The following RCBTB2 variants were observed in gnomAD, a reference collection of about 807,000 sequenced individuals.
RCBTB2 encodes the protein RCC1 and BTB domain-containing protein 2.
In RCBTB2, 55 loss-of-function variants were observed where a neutral mutation model predicts 65.4. The observed-to-expected ratio is 0.84, with a 90% CI of 0.68 to 1.05. RCBTB2 has a LOEUF of 1.05. RCBTB2 is among the 50% of genes least tolerant of loss of function. RCBTB2 has a pLI of 0.00. For synonymous variants in RCBTB2, 220 were observed against 255.2 expected, an observed-to-expected ratio of 0.86 and a Z score of 1.31; for missense variants, 599 against 680.1, an observed-to-expected ratio of 0.88 and a Z score of 1.33.
chr13:48,510,838 G>A, intron 9 of RCBTB2, 67 bp from the exon 10 acceptor site: 2 of 1,498,430 alleles, frequency 1.3e-6, no homozygotes, highest in Non-Finnish European at 1.8e-6. Context: ...CCACAAAGTA[G>A]GTTAAGAATC....
intron 13 of RCBTB2, 128 bp downstream of exon 13, chr13:48,499,493 G>T: frequency 1.1e-6 from 1 of 940,200 alleles, no homozygotes; most frequent in Non-Finnish European, 1.6e-6. Flanking sequence ...AACGTGTTTG[G>T]ATTCAACACA....
At chr13:48,533,494 T>C (rs987552947), upstream of RCBTB2, among the ~76,000 whole-genome samples, 1 of 152,226 alleles carries the variant, frequency 6.6e-6, no homozygotes, top group East Asian at 1.9e-4. Context: ...GCTTTTCTTC[T>C]ATTGCTGGCC....
At chr13:48,522,109 G>T (rs1192164092) in intron 3 of RCBTB2, 147 bp from the exon 4 acceptor site, 1 of 775,850 alleles carries the variant, frequency 1.3e-6, no homozygotes, top group African/African-American at 1.7e-5. Flanking sequence ...CTTTAGGCAT[G>T]GGAATGAACA....
chr13:48,535,154 G>A (rs183122214), upstream of RCBTB2, among the ~76,000 whole-genome samples: 2 of 151,938 alleles, frequency 1.3e-5, no homozygotes, highest in East Asian at 1.9e-4. Flanking sequence ...TTGATTATAT[G>A]TCCCCTATCA....
Position 48,517,426 on chromosome 13 carries a change from C to T in RCBTB2, c.43-1685G>A, listed in dbSNP as rs908030288. On this transcript the variant is annotated intron_variant, in intron 4 of 14. Coordinates refer to ENST00000344532, the MANE Select transcript of RCBTB2 (RefSeq NM_001268.4). ...AAACTGGGCCCCAAATCCCTGCTCT[C>T]GGCTCCAAGCTCTCCATTTCTACTT... Among the ~76,000 whole-genome samples, 7 of 152,282 alleles carry T rather than the reference C, an allele frequency of 4.6e-5. No homozygotes were observed. In the South Asian group the frequency reaches 1.2e-3, roughly 27 times the overall value.
upstream of RCBTB2, among the ~76,000 whole-genome samples, chr13:48,534,740 G>A (rs1014149035): frequency 6.6e-6 from 1 of 152,226 alleles, no homozygotes; most frequent in African/African-American, 2.4e-5. Flanking sequence ...AAGTAAAAAT[G>A]TCTCCATCAC....
At chr13:48,527,461 A>C (rs1334418645) in intron 1 of RCBTB2, among the ~76,000 whole-genome samples, 1 of 146,874 alleles carries the variant, frequency 6.8e-6, no homozygotes, top group African/African-American at 2.5e-5. Context: ...TTAAAATGTA[A>C]CCTAAAACTG....
At chr13:48,518,327 G>A (rs1274719306) in intron 4 of RCBTB2, among the ~76,000 whole-genome samples, 2 of 151,770 alleles carry the variant, frequency 1.3e-5, no homozygotes, top group African/African-American at 4.8e-5. Context: ...CGTGCCACTT[G>A]GATCATAAGA....
At chr13:48,495,685 A>C (rs1265713658) in intron 14 of RCBTB2, among the ~76,000 whole-genome samples, 1 of 152,234 alleles carries the variant, frequency 6.6e-6, no homozygotes. Flanking sequence ...TCTCATCAGC[A>C]GTTTAGGAGA....
intron 6 of RCBTB2, among the ~76,000 whole-genome samples, chr13:48,513,169 G>T (rs1403924491): frequency 6.6e-6 from 1 of 152,188 alleles, no homozygotes; most frequent in Non-Finnish European, 1.5e-5. Context: ...GCTGCTGGGA[G>T]TAATAGCAAA....
chr13:48,511,655 G>A (rs1950800731), intron 9 of RCBTB2, 115 bp downstream of exon 9: 2 of 829,810 alleles, frequency 2.4e-6, no homozygotes, highest in Admixed American at 3.1e-5. Context: ...CTTTAATGAA[G>A]ACATCCAAGC....
At chr13:48,535,255 C>CT (rs563743014), upstream of RCBTB2, among the ~76,000 whole-genome samples, 6,530 of 136,254 alleles carry the variant, frequency 0.048, 243 homozygotes, top group East Asian at 0.12. Context: ...TATTCATCCT[C>CT]TTTTTTTTTT....
In RCBTB2 at chr13:48,522,308, C is replaced by T; in HGVS notation, c.-24G>A. 1 of 1,516,706 alleles carries T rather than the reference C, an allele frequency of 6.6e-7. No individual in the cohort carries two copies. The highest frequency in any genetic ancestry group is 8.8e-7 in the Non-Finnish European group (1 of 1,130,158). The allele number at this position is 1,516,706 out of a possible 1,614,324, so 94.0% of individuals were successfully genotyped here. On this transcript the variant is annotated splice_region_variant and 5_prime_UTR_variant, in exon 3 of 15. Coordinates refer to ENST00000344532, the MANE Select transcript of RCBTB2 (RefSeq NM_001268.4). ...TGATAAGGAAAAATAAATTTTAGAC[C>T]TTTGTCAACTTTTCTCTGGGATTGG... is the stretch of plus-strand genomic sequence containing the variant.
Position 48,496,819 on chromosome 13 carries a change from A to T in RCBTB2, c.1385-498T>A, listed in dbSNP as rs1352251929. Among the ~76,000 whole-genome samples, 8 of 53,600 alleles carry T rather than the reference A, an allele frequency of 1.5e-4. 1 individual carries two copies. The highest frequency in any genetic ancestry group is 5.5e-4 in the African/African-American group (7 of 12,780). The allele number at this position is 53,600 out of a possible 152,430, so 35.2% of individuals were successfully genotyped here. ...GGGAGGGGAGAGGAGGGGAGGGGAGAGGAGGGGAGGGGAGAGGAGGAGAGG... is the reference window on the plus strand; with the variant it reads ...GGGAGGGGAGAGGAGGGGAGGGGAGTGGAGGGGAGGGGAGAGGAGGAGAGG... On this transcript the variant is annotated intron_variant, in intron 13 of 14. Transcript: ENST00000344532.
At chr13:48,519,991 T>C (rs1363033165) in intron 4 of RCBTB2, among the ~76,000 whole-genome samples, 3 of 152,172 alleles carry the variant, frequency 2.0e-5, no homozygotes, top group African/African-American at 7.2e-5. Flanking sequence ...AAGGAAATGT[T>C]CATTAGAGCA....
chr13:48,523,636 G>A (rs1456850864), intron 2 of RCBTB2, among the ~76,000 whole-genome samples: 5 of 152,052 alleles, frequency 3.3e-5, no homozygotes, highest in Non-Finnish European at 5.9e-5. Context: ...AAAAATAAAA[G>A]GAGAGGAGAA....
intron 14 of RCBTB2, among the ~76,000 whole-genome samples, chr13:48,493,309 A>ACCCTCTCTCTCTCTCTCTCT (rs1429120157): frequency 2.1e-5 from 1 of 47,814 alleles, no homozygotes; most frequent in African/African-American, 5.8e-5. Context: ...ACACACACAC[A>ACCCTCTCTCTCTCTCTCTCT]CACACACTCT....
chr13:48,507,534 TCAA>T (rs748022601), intron 10 of RCBTB2, among the ~76,000 whole-genome samples: 55 of 152,286 alleles, frequency 3.6e-4, no homozygotes, highest in Non-Finnish European at 5.1e-4. Context: ...GAGGGAATGA[TCAA>T]CAACAACTGC....
intron 7 of RCBTB2, 49 bp from the exon 8 acceptor site, chr13:48,512,223 T>C: frequency 6.5e-7 from 1 of 1,528,612 alleles, no homozygotes; most frequent in Middle Eastern, 1.7e-4. Context: ...TTATAAACTG[T>C]CTCAACTGGA....
Sources: allele counts gnomAD v4.1 joint callset (sites outside exome capture counted in the v4.1 genomes callset), GRCh38; gene constraint gnomAD v4.1.1; transcripts MANE v1.5; gene names NCBI Gene and HGNC (gene_info 2026-07-23, HGNC 2026-07-21).